Variants in ACOXL observed in about 807,000 individuals in gnomAD.
ACOXL encodes the protein acyl-coenzyme A oxidase-like protein.
ACOXL carries 70 observed loss-of-function variants against 71.9 expected under a neutral mutation model. The ratio of observed to expected loss-of-function variants is 0.97; its 90% confidence interval spans 0.80 to 1.19. The LOEUF (loss-of-function observed/expected upper bound fraction) is 1.19, where lower values mean the gene tolerates loss of function less well. Ranked by LOEUF, ACOXL falls within the 50% of genes most tolerant of loss-of-function variation. The pLI, the probability that ACOXL is intolerant of heterozygous loss-of-function variation, is 0.00. For missense variants in ACOXL, 703 were observed against 736.3 expected (o/e 0.95, Z 0.52); for synonymous variants, 253 against 281.6 (o/e 0.90, Z 1.02).
chr2:111,092,637 T>C (rs1237405091), intron 16 of ACOXL, among the ~76,000 whole-genome samples: 1 of 152,212 alleles, frequency 6.6e-6, no homozygotes, highest in African/African-American at 2.4e-5. Context: ...GAGTTCGTTA[T>C]GCTATTTGTT....
chr2:110,987,837 A>G (rs2062997663), intron 13 of ACOXL, among the ~76,000 whole-genome samples: 1 of 152,132 alleles, frequency 6.6e-6, no homozygotes, highest in Non-Finnish European at 1.5e-5. Context: ...CTAATCTCTG[A>G]TATCTTGGAC....
intron 9 of ACOXL, among the ~76,000 whole-genome samples, chr2:110,819,539 T>C (rs1198832033): frequency 6.6e-6 from 1 of 152,028 alleles, no homozygotes; most frequent in Non-Finnish European, 1.5e-5. Context: ...AAGAGGATTA[T>C]GGGGAATGCA....
intron 14 of ACOXL, among the ~76,000 whole-genome samples, chr2:111,029,892 G>T (rs1308348642): frequency 6.6e-6 from 1 of 152,074 alleles, no homozygotes; most frequent in Admixed American, 6.5e-5. Flanking sequence ...TCTGAGGGGT[G>T]CAGTTGTAGC....
chr2:111,066,050 C>T (rs943816729), intron 16 of ACOXL, among the ~76,000 whole-genome samples: 2 of 152,172 alleles, frequency 1.3e-5, no homozygotes, highest in African/African-American at 4.8e-5. Flanking sequence ...AAAATGAAAA[C>T]TTGTGTTCAC....
intron 9 of ACOXL, among the ~76,000 whole-genome samples, chr2:110,816,348 C>G (rs913063117): frequency 6.6e-6 from 1 of 152,138 alleles, no homozygotes; most frequent in African/African-American, 2.4e-5. Flanking sequence ...CAGTCCAGAT[C>G]ACAGCTCTGT....
chr2:110,874,857 A>G (rs2149060630), intron 10 of ACOXL, among the ~76,000 whole-genome samples: 1 of 152,206 alleles, frequency 6.6e-6, no homozygotes. Context: ...TCGGGGTGGG[A>G]GGCAGGAATC....
intron 12 of ACOXL, chr2:110,963,645 A>G (rs2061801460): frequency 1.9e-6 from 3 of 1,613,318 alleles, no homozygotes; most frequent in East Asian, 2.2e-5. Context: ...GGAAAATCGA[A>G]TCTCAGGCTT....
At chr2:110,994,103 A>T (rs2063293153) in intron 13 of ACOXL, among the ~76,000 whole-genome samples, 1 of 152,180 alleles carries the variant, frequency 6.6e-6, no homozygotes, top group East Asian at 1.9e-4. Flanking sequence ...TGCAGTTCAC[A>T]ATCTCAGGTG....
rs180796097 is a variant in ACOXL at position 110,798,626 on chromosome 2, C to T, written c.362C>T (p.Thr121Met). The part of the protein sequence containing the change: ...DLSAQEFVID[T>M]PCENAEKMYI... ...TCTGTGTAGGAGTTTGTAATTGACACGCCGTGTGAAAATGCGGAGAAGATG... is the reference window on the plus strand; with the variant it reads ...TCTGTGTAGGAGTTTGTAATTGACATGCCGTGTGAAAATGCGGAGAAGATG... The change falls in exon 6 of 18, where the codon ACG becomes ATG. Residue 121 changes from threonine (T) to methionine (M), a missense_variant. Coordinates refer to ENST00000439055, the MANE Select transcript of ACOXL (RefSeq NM_001142807.4). 170 of 1,613,896 alleles carry T rather than the reference C, an allele frequency of 1.1e-4. 1 individual carries two copies. The highest frequency in any genetic ancestry group is 1.2e-4 in the Admixed American group (7 of 60,016).
rs148425239 is a variant in ACOXL, at chr2:110,992,133, A to G, written c.1170-3760A>G. Among the ~76,000 whole-genome samples the G allele has an allele frequency of 2.6e-3, 392 of 152,330 alleles. 9 individuals are homozygous for G. The East Asian group carries it at 0.049, about 19-fold the overall frequency. ...ATATCCCTAGCACATTTTCCAGCAC[A>G]GAGTTGAGATGTGCCAAAGGCAGTA... On this transcript the variant is annotated intron_variant, in intron 13 of 17. Coordinates refer to ENST00000439055, the MANE Select transcript of ACOXL (RefSeq NM_001142807.4).
intron 10 of ACOXL, among the ~76,000 whole-genome samples, chr2:110,899,103 T>C (rs1346960459): frequency 6.6e-6 from 1 of 152,160 alleles, no homozygotes; most frequent in Non-Finnish European, 1.5e-5. Flanking sequence ...TGGAGAGACA[T>C]ACCATGTTTA....
At chr2:110,799,974 T>C (rs551371728) in intron 7 of ACOXL, among the ~76,000 whole-genome samples, 1 of 151,864 alleles carries the variant, frequency 6.6e-6, no homozygotes, top group Admixed American at 6.5e-5. Flanking sequence ...TCAGCAGGAG[T>C]CTAAAAGTAG....
At chr2:110,921,408 T>A (rs560760045) in intron 11 of ACOXL, among the ~76,000 whole-genome samples, 1 of 136,934 alleles carries the variant, frequency 7.3e-6, no homozygotes. Context: ...CCCTTTTTTT[T>A]TTGAGGCAGA....
intron 14 of ACOXL, among the ~76,000 whole-genome samples, chr2:111,003,338 AG>A (rs1004973781): frequency 6.6e-6 from 1 of 152,050 alleles, no homozygotes; most frequent in Non-Finnish European, 1.5e-5. Context: ...TCACGAGGTC[AG>A]GAATTGGAAA....
chr2:110,989,498 GT>G (rs2063080912), intron 13 of ACOXL, among the ~76,000 whole-genome samples: 1 of 152,142 alleles, frequency 6.6e-6, no homozygotes, highest in Non-Finnish European at 1.5e-5. Flanking sequence ...AGTTTGTCAA[GT>G]TTCTTAGAAG....
chr2:110,836,095 G>A (rs895432576), intron 9 of ACOXL, among the ~76,000 whole-genome samples: 2 of 152,192 alleles, frequency 1.3e-5, no homozygotes, highest in Admixed American at 6.5e-5. Context: ...GAAGACATCC[G>A]TGGCAGAGAC....
At chr2:110,811,785 A>ACACACG (rs1225876415) in intron 9 of ACOXL, among the ~76,000 whole-genome samples, 25 of 149,082 alleles carry the variant, frequency 1.7e-4, no homozygotes, top group Non-Finnish European at 3.1e-4. Flanking sequence ...ACACACACAC[A>ACACACG]CGCGGGGAGG....
intron 12 of ACOXL, among the ~76,000 whole-genome samples, chr2:110,979,277 C>G (rs1039160780): frequency 6.6e-6 from 1 of 152,146 alleles, no homozygotes; most frequent in African/African-American, 2.4e-5. Context: ...ACAGCTGGGG[C>G]CTGTCTGCCC....
chr2:110,894,487 C>T (rs1330923391), intron 10 of ACOXL, among the ~76,000 whole-genome samples: 1 of 152,088 alleles, frequency 6.6e-6, no homozygotes, highest in Non-Finnish European at 1.5e-5. Context: ...CCAACAAAAG[C>T]TGAGTGGGGA....
Sources: gnomAD v4.1 joint callset for allele counts (sites outside exome capture counted in the v4.1 genomes callset) on GRCh38, gnomAD v4.1.1 for gene constraint, MANE v1.5 for transcripts, NCBI Gene and HGNC (gene_info 2026-07-23, HGNC 2026-07-21) for gene names.